FBLN1: variants seen among roughly 807,000 people sequenced by gnomAD.
FBLN1 encodes the protein fibulin-1.
A neutral mutation model predicts 89.7 loss-of-function variants in FBLN1; 34 were observed. That is an observed-to-expected ratio of 0.38 (90% CI 0.29 to 0.50). The LOEUF is 0.50. Among genes scored for constraint, FBLN1 ranks in the 20% least tolerant of loss-of-function variants. The pLI is 0.92. For missense variants in FBLN1, 777 were observed against 988.1 expected (o/e 0.79, Z 2.86); for synonymous variants, 393 against 391.3 (o/e 1.00, Z -0.05).
chr22:45,520,951 G>C (rs1041577940), intron 2 of FBLN1, among the ~76,000 whole-genome samples: 3 of 152,058 alleles, frequency 2.0e-5, no homozygotes, highest in African/African-American at 7.2e-5. Context: ...GAGTACCTGA[G>C]ATTACAGGCA....
chr22:45,514,177 G>C (rs1333247936), intron 1 of FBLN1, among the ~76,000 whole-genome samples: 1 of 152,188 alleles, frequency 6.6e-6, no homozygotes, highest in African/African-American at 2.4e-5. Flanking sequence ...TGGGAGTGGA[G>C]TTGGTTTTGT....
rs1053205340 is a variant in FBLN1, at chr22:45,581,620, G to A, written c.1972+4512G>A. Among the ~76,000 whole-genome samples, 10 of 152,124 alleles carry A rather than the reference G, an allele frequency of 6.6e-5. No individual in the cohort carries two copies. The highest frequency in any genetic ancestry group is 1.9e-4 in the East Asian group (1 of 5,164). ...GGACCTCCTGACCCTTGGGCCTCCCGGGTTGCAGGGAGCTACGGAGTTGTC... is the reference window on the plus strand; with the variant it reads ...GGACCTCCTGACCCTTGGGCCTCCCAGGTTGCAGGGAGCTACGGAGTTGTC... On this transcript the variant is annotated intron_variant, in intron 16 of 16. Transcript: ENST00000327858. This position sits in a 1 kb window ranked among gnomAD's most constrained non-coding sequence, Gnocchi z 7.6.
In FBLN1 at chr22:45,575,363, G is replaced by A. The variant is rs1446925832; in HGVS notation, c.1840+710G>A. On this transcript the variant is annotated intron_variant, in intron 15 of 16. Coordinates refer to ENST00000327858, the MANE Select transcript of FBLN1 (RefSeq NM_006486.3). The surrounding 1 kb of genome is among the most constrained non-coding windows in gnomAD (Gnocchi z 6.3). Reference sequence around the variant, plus strand: ...CCAGTGGAGCAGGACATGGCCAGAAGGGTCTGGAGGTATGGGGGGGCGGTG... The same window carrying A: ...CCAGTGGAGCAGGACATGGCCAGAAAGGTCTGGAGGTATGGGGGGGCGGTG... Among the ~76,000 whole-genome samples, 1 of 152,108 alleles carries A rather than the reference G, an allele frequency of 6.6e-6. No homozygotes were observed. Among genetic ancestry groups the A allele is most frequent in the Non-Finnish European group, 1.5e-5 (1 of 68,024 alleles).
At chr22:45,591,344 C>T (rs906529945) in intron 16 of FBLN1, among the ~76,000 whole-genome samples, 1 of 141,238 alleles carries the variant, frequency 7.1e-6, no homozygotes, top group African/African-American at 3.1e-5. Context: ...AGTTCCCACG[C>T]CACAGGTGAA....
intron 16 of FBLN1, among the ~76,000 whole-genome samples, chr22:45,598,731 G>A (rs1020610467): frequency 1.3e-5 from 2 of 152,246 alleles, no homozygotes; most frequent in African/African-American, 4.8e-5. Flanking sequence ...CACCTGTTTA[G>A]CACATGTGTG....
Position 45,550,734 on chromosome 22 carries a change from G to A in FBLN1, c.1697+119G>A, listed in dbSNP as rs7287064. ...GGTGTCCTCCCATGAGGGACTCAGGGCACTCAAAGATCACCTGATCCCTGG... is the reference window on the plus strand; with the variant it reads ...GGTGTCCTCCCATGAGGGACTCAGGACACTCAAAGATCACCTGATCCCTGG... On this transcript the variant is annotated intron_variant, in intron 14 of 16. Coordinates refer to ENST00000327858, the MANE Select transcript of FBLN1 (RefSeq NM_006486.3). This position sits in a 1 kb window ranked among gnomAD's most constrained non-coding sequence, Gnocchi z 8.4. The A allele has an allele frequency of 4.9e-6, 7 of 1,433,516 alleles. No individual in the cohort carries two copies. Among genetic ancestry groups the A allele is most frequent in the Non-Finnish European group, 5.9e-6 (6 of 1,022,960 alleles). 88.8% of individuals were successfully genotyped at this position (1,433,516 alleles called of 1,614,324 possible).
chr22:45,582,467 C>G (rs939724681), intron 16 of FBLN1, among the ~76,000 whole-genome samples: 1 of 152,174 alleles, frequency 6.6e-6, no homozygotes, highest in Admixed American at 6.5e-5. Flanking sequence ...CTCTCCGGCT[C>G]TTTACCTGCC....
At chr22:45,515,641 C>T (rs2088159592) in intron 1 of FBLN1, among the ~76,000 whole-genome samples, 2 of 152,206 alleles carry the variant, frequency 1.3e-5, no homozygotes, top group Non-Finnish European at 2.9e-5. Flanking sequence ...CACCAGCACC[C>T]GGCTGTGTCT....
rs1602207809 is a variant in FBLN1, at chr22:45,557,657, C to A, written c.1697+7042C>A. On this transcript the variant is annotated intron_variant, in intron 14 of 16. Transcript: ENST00000327858. This position sits in a 1 kb window ranked among gnomAD's most constrained non-coding sequence, Gnocchi z 4.9. ...TCCTATCCACTTGATTATTAAAATCCTCCTCTGCTGAGCTCTTTTATGTGA... is the reference window on the plus strand; with the variant it reads ...TCCTATCCACTTGATTATTAAAATCATCCTCTGCTGAGCTCTTTTATGTGA... Among the ~76,000 whole-genome samples the A allele has an allele frequency of 6.6e-6, 1 of 152,312 alleles. No individual in the cohort carries two copies. Among genetic ancestry groups the A allele is most frequent in the African/African-American group, 2.4e-5 (1 of 41,568 alleles).
intron 16 of FBLN1, among the ~76,000 whole-genome samples, chr22:45,585,414 G>A (rs3788659): frequency 0.36 from 54,558 of 152,130 alleles, 11,677 homozygotes; most frequent in Admixed American, 0.52. Context: ...GCCGCTGACC[G>A]CGTCCTGCAG....
Position 45,549,549 on chromosome 22 carries a change from T to A in FBLN1, c.1573+805T>A, listed in dbSNP as rs112555576. On this transcript the variant is annotated intron_variant, in intron 13 of 16. Transcript: ENST00000327858. The surrounding 1 kb of genome is among the most constrained non-coding windows in gnomAD (Gnocchi z 5.7). ...CCTGGGCTCTGGATGGAAGGCTGGT[T>A]GTGTCTGCATTTCTGACGGAGCAAA... is the stretch of plus-strand genomic sequence containing the variant. 1.1e-4 allele frequency among the ~76,000 whole-genome samples: 17 copies of A among 152,350 alleles called. No homozygotes were observed. The highest frequency in any genetic ancestry group is 3.3e-4 in the Admixed American group (5 of 15,304).
At chr22:45,527,741 G>A in intron 3 of FBLN1, 106 bp from the exon 4 acceptor site, 2 of 1,157,402 alleles carry the variant, frequency 1.7e-6, no homozygotes, top group South Asian at 2.5e-5. Flanking sequence ...TCACTCTACA[G>A]GTTGTGTGGA....
intron 16 of FBLN1, among the ~76,000 whole-genome samples, chr22:45,584,972 T>C (rs1373420970): frequency 6.6e-6 from 1 of 152,230 alleles, no homozygotes; most frequent in African/African-American, 2.4e-5. Flanking sequence ...CTGCACTGGG[T>C]ACTGCAGAAC....
At chr22:45,522,475 T>C (rs747321275) in intron 2 of FBLN1, among the ~76,000 whole-genome samples, 3 of 152,194 alleles carry the variant, frequency 2.0e-5, no homozygotes, top group Middle Eastern at 3.4e-3. Flanking sequence ...TGAGGGTCCA[T>C]AGGGCCCAAA....
rs2088680220 is a variant in FBLN1 at position 45,549,921 on chromosome 22, A to G, written c.1574-571A>G. ...ACAGGCAAGACGTATGATCCCTCGA[A>G]GGCTGTTTTTCTCATTGTTGTGTGG... On this transcript the variant is annotated intron_variant, in intron 13 of 16. Transcript: ENST00000327858. This position sits in a 1 kb window ranked among gnomAD's most constrained non-coding sequence, Gnocchi z 5.7. 6.6e-6 allele frequency among the ~76,000 whole-genome samples: 1 copy of G among 152,110 alleles called. No individual in the cohort carries two copies. Among genetic ancestry groups the G allele is most frequent in the Non-Finnish European group, 1.5e-5 (1 of 68,016 alleles).
At chr22:45,570,985 G>A (rs1446720754) in intron 14 of FBLN1, among the ~76,000 whole-genome samples, 1 of 151,824 alleles carries the variant, frequency 6.6e-6, no homozygotes, top group Non-Finnish European at 1.5e-5. Flanking sequence ...AATTAGCATG[G>A]TGGTGCACGT....
chr22:45,527,723 T>G, intron 3 of FBLN1, 124 bp from the exon 4 acceptor site: 1 of 964,044 alleles, frequency 1.0e-6, no homozygotes, highest in Non-Finnish European at 1.6e-6. Flanking sequence ...TAAGCCAGAC[T>G]TGAGTCATCA....
chr22:45,528,126 C>G, intron 4 of FBLN1, 117 bp downstream of exon 4: 4 of 975,434 alleles, frequency 4.1e-6, no homozygotes, highest in Non-Finnish European at 4.6e-6. Context: ...GATCGTGGGG[C>G]TGGCAAGTCC....
chr22:45,556,686 C>G lies in FBLN1; in HGVS notation c.1697+6071C>G, dbSNP rs2147003760. On this transcript the variant is annotated intron_variant, in intron 14 of 16. Coordinates refer to ENST00000327858, the MANE Select transcript of FBLN1 (RefSeq NM_006486.3). This position sits in a 1 kb window ranked among gnomAD's most constrained non-coding sequence, Gnocchi z 4.6. ...TCTGGGTCAGCCACCCCAGCCAACA[C>G]TGTAACTCCCTTCTTAGCCTGTTGA... Among the ~76,000 whole-genome samples the G allele has an allele frequency of 6.6e-6, 1 of 152,282 alleles. No homozygotes were observed. Among genetic ancestry groups the G allele is most frequent in the African/African-American group, 2.4e-5 (1 of 41,560 alleles).
Sources: gnomAD v4.1 joint callset for allele counts (sites outside exome capture counted in the v4.1 genomes callset) on GRCh38, gnomAD v4.1.1 for gene constraint, Gnocchi (gnomAD v3.1) non-coding constraint, MANE v1.5 for transcripts, NCBI Gene and HGNC (gene_info 2026-07-23, HGNC 2026-07-21) for gene names.